Variants in SPDYC observed in about 807,000 individuals in gnomAD.
SPDYC encodes speedy protein C.
A neutral mutation model predicts 33.9 loss-of-function variants in SPDYC; 25 were observed. The observed-to-expected ratio is 0.74, with a 90% CI of 0.54 to 1.03. SPDYC has a LOEUF of 1.03. SPDYC is among the 50% of genes least tolerant of loss of function. SPDYC has a pLI of 0.00. For synonymous variants in SPDYC, 133 were observed against 140.2 expected, an observed-to-expected ratio of 0.95 and a Z score of 0.36; for missense variants, 349 against 382.9, an observed-to-expected ratio of 0.91 and a Z score of 0.74.
rs1948444075 is a variant in SPDYC at position 65,172,239 on chromosome 11, T to C, written c.259-7T>C. On this transcript the variant is annotated splice_polypyrimidine_tract_variant and splice_region_variant and intron_variant, in intron 3 of 6. Transcript: ENST00000377185. Reference sequence around the variant, plus strand: ...AACTAACCCCCCACCCCGATCTGTCTCTGCAGTATCTCCTGGCCATGGTGC... The same window carrying C: ...AACTAACCCCCCACCCCGATCTGTCCCTGCAGTATCTCCTGGCCATGGTGC... 2 of 1,614,178 alleles carry C rather than the reference T, an allele frequency of 1.2e-6. No homozygotes were observed. The highest frequency in any genetic ancestry group is 2.7e-5 in the African/African-American group (2 of 75,026).
chr11:65,172,236 G>A lies in SPDYC; in HGVS notation c.259-10G>A, dbSNP rs116671334. 563 of 1,614,138 alleles carry A rather than the reference G, an allele frequency of 3.5e-4. 3 individuals are homozygous for A. In the African/African-American group the frequency reaches 7.0e-3, roughly 20 times the overall value. On this transcript the variant is annotated splice_polypyrimidine_tract_variant and intron_variant, in intron 3 of 6. Transcript: ENST00000377185. ...AATAACTAACCCCCCACCCCGATCTGTCTCTGCAGTATCTCCTGGCCATGG... is the reference window on the plus strand; with the variant it reads ...AATAACTAACCCCCCACCCCGATCTATCTCTGCAGTATCTCCTGGCCATGG...
At position 65,170,270 on chromosome 11, in the gene SPDYC, C is replaced by A. The variant is rs200979681; in HGVS notation, c.26+9C>A. ...GCCATTCCTGAGCTCGGGTAAGGCTCGCTGCAGGAGGAGGCTGGGTTGCTT... is the reference window on the plus strand; with the variant it reads ...GCCATTCCTGAGCTCGGGTAAGGCTAGCTGCAGGAGGAGGCTGGGTTGCTT... On this transcript the variant is annotated intron_variant, in intron 1 of 6. Coordinates refer to ENST00000377185, the Ensembl canonical transcript of SPDYC. 3.8e-6 allele frequency: 6 copies of A among 1,578,264 alleles called. No individual in the cohort carries two copies. Among genetic ancestry groups the A allele is most frequent in the African/African-American group, 1.4e-5 (1 of 72,670 alleles).
At chr11:65,170,404 A>G (rs1948419020) in intron 1 of SPDYC, 143 bp downstream of exon 1, 1 of 747,264 alleles carries the variant, frequency 1.3e-6, no homozygotes, top group Non-Finnish European at 1.9e-6. Flanking sequence ...TGGGTTTAGG[A>G]CGGGAGCTTG....
At chr11:65,173,287 C>A, downstream of SPDYC, 2 of 1,546,984 alleles carry the variant, frequency 1.3e-6, no homozygotes, top group Non-Finnish European at 1.8e-6. Context: ...GTGCTCCCAC[C>A]CCTGCCCCTT....
rs558909415 is a variant in SPDYC, at chr11:65,171,269, C to A, written c.27-58C>A. ...CCGTCCTGGCCCCTGTCACCACCCT[C>A]TTGATTTGTGAGCATCACGGGGGTA... is the stretch of plus-strand genomic sequence containing the variant. On this transcript the variant is annotated intron_variant, in intron 1 of 6. Transcript: ENST00000377185. 109 of 1,553,512 alleles carry A rather than the reference C, an allele frequency of 7.0e-5. No individual in the cohort carries two copies. In the African/African-American group the frequency reaches 8.3e-4, roughly 12 times the overall value.
At chr11:65,172,958 T>C (rs767020110) in exon 6 of SPDYC, 6 of 1,613,726 alleles carry the variant, frequency 3.7e-6, no homozygotes, top group Non-Finnish European at 5.1e-6. Flanking sequence ...GGTGGGGACT[T>C]TCTCATCGTC....
exon 1 of SPDYC, chr11:65,170,241 C>G (rs900166275): frequency 6.3e-7 from 1 of 1,579,132 alleles, no homozygotes; most frequent in Admixed American, 1.8e-5. Context: ...GTGTTATGCT[C>G]TGGGCCATTC....
In SPDYC at chr11:65,172,303, T is replaced by C. The variant is rs1393114128; in HGVS notation, c.316T>C (p.Tyr106His). Residue 106 changes from tyrosine (Y) to histidine (H), a missense_variant, in exon 4 of 7, where the codon TAT (tyrosine) becomes CAT (histidine). Transcript: ENST00000377185. ...GCGCGCCCACCTGAAGCTCAGCGAG[T>C]ATACCCACAGCAGCCTGTTCTTGGC... The C allele has an allele frequency of 1.9e-6, 3 of 1,613,810 alleles. No individual in the cohort carries two copies. In the African/African-American group the frequency reaches 4.0e-5, roughly 22 times the overall value.
In SPDYC at chr11:65,172,907, C is replaced by T. The variant is rs1357400989; in HGVS notation, c.740C>T (p.Pro247Leu). The change falls in exon 6 of 7, where the codon CCT (proline) becomes CTT (leucine). Residue 247 changes from proline (P) to leucine (L), a missense_variant. Coordinates refer to ENST00000377185, the Ensembl canonical transcript of SPDYC. ...TCTCTGACCTCTGAATGTCATCGCC[C>T]TCCCTCCCAAAATTATCTCTCAAGG... 3 of 1,614,084 alleles carry T rather than the reference C, an allele frequency of 1.9e-6. No homozygotes were observed. In the African/African-American group the frequency reaches 4.0e-5, roughly 22 times the overall value.
At chr11:65,170,339 C>T in intron 1 of SPDYC, 78 bp downstream of exon 1, 3 of 1,415,458 alleles carry the variant, frequency 2.1e-6, no homozygotes, top group Non-Finnish European at 2.8e-6. Flanking sequence ...CTGGGGTGGT[C>T]GACCGCACGT....
intron 1 of SPDYC, 52 bp downstream of exon 1, chr11:65,170,313 G>A (rs1948417775): frequency 1.3e-6 from 2 of 1,541,792 alleles, no homozygotes; most frequent in East Asian, 4.9e-5. Context: ...CCTAGATGGA[G>A]GGGCCCAGAT....
exon 6 of SPDYC, chr11:65,172,900 C>T: frequency 6.2e-7 from 1 of 1,614,152 alleles, no homozygotes; most frequent in East Asian, 2.2e-5. Context: ...CTCTGAATGT[C>T]ATCGCCCTCC....
exon 6 of SPDYC, chr11:65,172,721 G>A (rs1309407766): frequency 5.0e-6 from 8 of 1,611,642 alleles, no homozygotes; most frequent in African/African-American, 4.0e-5. Flanking sequence ...GCTTGGACTC[G>A]GGACCGGCGC....
At chr11:65,170,518 GC>G (rs1264973557) in intron 1 of SPDYC, among the ~76,000 whole-genome samples, 1 of 152,118 alleles carries the variant, frequency 6.6e-6, no homozygotes, top group African/African-American at 2.4e-5. Flanking sequence ...GGGATCAGTG[GC>G]CCTTTCAACT....
rs1440484382 is a variant in SPDYC, at chr11:65,171,317, T to G, written c.27-10T>G. ...GTACATGCTAAGTCCTGAGCCTCCT[T>G]TCTCTACAGGTCACCCTGCCCCATC... is the stretch of plus-strand genomic sequence containing the variant. On this transcript the variant is annotated splice_polypyrimidine_tract_variant and intron_variant, in intron 1 of 6. Transcript: ENST00000377185. 1.2e-6 allele frequency: 2 copies of G among 1,603,996 alleles called. No individual in the cohort carries two copies. Among genetic ancestry groups the G allele is most frequent in the Non-Finnish European group, 1.7e-6 (2 of 1,175,558 alleles).
Position 65,171,372 on chromosome 11 carries a change from AG to A in SPDYC, c.73del (p.Asp25ThrfsTer7), listed in dbSNP as rs1408524120. The stretch of plus-strand genomic sequence containing the variant: ...TCTCCTATGAGATGAGTGACTCCCA[AG>A]ACCCCACCACTTCCCCTGTAGTTAC... On this transcript the variant is annotated frameshift_variant, in exon 2 of 7. Coordinates refer to ENST00000377185, the Ensembl canonical transcript of SPDYC. LOFTEE classifies it high-confidence loss of function. 1 of 1,612,342 alleles carries A rather than the reference AG, an allele frequency of 6.2e-7. No homozygotes were observed. Among genetic ancestry groups the A allele is most frequent in the Admixed American group, 1.7e-5 (1 of 59,782 alleles).
At chr11:65,173,082 C>T in intron 6 of SPDYC, 68 bp downstream of exon 6, 1 of 1,597,252 alleles carries the variant, frequency 6.3e-7, no homozygotes, top group East Asian at 2.2e-5. Flanking sequence ...TGAGGACCAA[C>T]AATATGAGAG....
At chr11:65,170,358 G>A in intron 1 of SPDYC, 97 bp downstream of exon 1, 2 of 1,279,894 alleles carry the variant, frequency 1.6e-6, no homozygotes, top group Non-Finnish European at 2.1e-6. Flanking sequence ...GTTCTCCTCG[G>A]CCCCGTGGTT....
At chr11:65,173,052 G>A (rs772748187) in intron 6 of SPDYC, 38 bp downstream of exon 6, 7 of 1,602,702 alleles carry the variant, frequency 4.4e-6, no homozygotes, top group Non-Finnish European at 6.0e-6. Context: ...GGGCTGGTGT[G>A]GGAGCTTGGG....
Sources: gnomAD v4.1 joint callset for allele counts (sites outside exome capture counted in the v4.1 genomes callset) on GRCh38, gnomAD v4.1.1 for gene constraint, MANE v1.5 for transcripts, NCBI Gene and HGNC (gene_info 2026-07-23, HGNC 2026-07-21) for gene names.